Variants in AGK observed in about 807,000 individuals in gnomAD.
AGK encodes the protein acylglycerol kinase, also known as acylglycerol kinase, mitochondrial.
Under a neutral mutation model 66.4 loss-of-function variants are expected in AGK, and 52 were observed. The observed-to-expected ratio is 0.78, with a 90% confidence interval of 0.63 to 0.99. The LOEUF (loss-of-function observed/expected upper bound fraction) is 0.99, where lower values mean the gene tolerates loss of function less well. AGK is among the 50% of genes least tolerant of loss of function. The pLI is 0.00. For missense variants in AGK, 451 were observed against 506.6 expected (o/e 0.89, Z 1.05); for synonymous variants, 182 against 181.1 (o/e 1.00, Z -0.04).
In AGK at chr7:141,610,241, ACAGGCGTGAGC is replaced by A. The variant is rs111712126; in HGVS notation, c.298-951_298-941del. On this transcript the variant is annotated intron_variant, in intron 5 of 15. Coordinates refer to ENST00000649286, the MANE Select transcript of AGK (RefSeq NM_018238.4). ...CTTGGCCTCCCAAAGTGCTGGGATT[ACAGGCGTGAGC>A]CACCGCACCTGGCCCAGATATATAT... Among the ~76,000 whole-genome samples, 9 of 152,276 alleles carry A rather than the reference ACAGGCGTGAGC, an allele frequency of 5.9e-5. 2 individuals are homozygous for A. The highest frequency in any genetic ancestry group is 2.2e-4 in the African/African-American group (9 of 41,554).
Position 141,566,104 on chromosome 7 carries a change from C to T in AGK, c.101+10537C>T, listed in dbSNP as rs144733574. On this transcript the variant is annotated intron_variant, in intron 2 of 15. Transcript: ENST00000649286. ...ATGTCCTTGCACATGTTGTTCTCCG[C>T]GGAACATTCTGACTTTCTCTTCTTC... 1.6e-4 allele frequency among the ~76,000 whole-genome samples: 25 copies of T among 152,322 alleles called. No individual in the cohort carries two copies. The East Asian group carries it at 2.9e-3, about 18-fold the overall frequency.
chr7:141,629,564 A>C (rs1354994613), intron 9 of AGK, among the ~76,000 whole-genome samples: 3 of 152,022 alleles, frequency 2.0e-5, no homozygotes, highest in Non-Finnish European at 2.9e-5. Context: ...TCTCTCCATG[A>C]CTGGTCCTCA....
intron 5 of AGK, among the ~76,000 whole-genome samples, chr7:141,607,069 C>G (rs935199184): frequency 6.6e-6 from 1 of 151,998 alleles, no homozygotes; most frequent in African/African-American, 2.4e-5. Flanking sequence ...TGAAGTACAT[C>G]TTGGTCACTT....
At chr7:141,564,040 A>G (rs906866242) in intron 2 of AGK, among the ~76,000 whole-genome samples, 3 of 152,134 alleles carry the variant, frequency 2.0e-5, no homozygotes, top group Non-Finnish European at 4.4e-5. Flanking sequence ...AACTCACTGC[A>G]GCCTCAAAAT....
In AGK at chr7:141,654,933, C is replaced by CAA. The variant is rs1209723338; in HGVS notation, c.*2010_*2011insAA. The CAA allele has an allele frequency of 1.3e-5, 2 of 152,220 alleles. No homozygotes were observed. Among genetic ancestry groups the CAA allele is most frequent in the African/African-American group, 4.8e-5 (2 of 41,450 alleles). The allele number at this position is 152,220 out of a possible 1,614,324, so 9.4% of individuals were successfully genotyped here. A position where few individuals can be genotyped will look rare whatever the true frequency, so the allele number is the denominator to read the frequency against. On this transcript the variant is annotated 3_prime_UTR_variant, in exon 16 of 16. Coordinates refer to ENST00000649286, the MANE Select transcript of AGK (RefSeq NM_018238.4). Reference sequence around the variant, plus strand: ...GTAAAATTTCTGCTTTTGGCAAAAACATAACAGACGGTTCCAAACATCAGC... The same window carrying CAA: ...GTAAAATTTCTGCTTTTGGCAAAAACAAATAACAGACGGTTCCAAACATCAGC...
rs117779450 is a variant in AGK, at chr7:141,564,251, T to C, written c.101+8684T>C. Among the ~76,000 whole-genome samples the C allele has an allele frequency of 1.2e-4, 19 of 152,354 alleles. No individual in the cohort carries two copies. In the East Asian group the frequency reaches 2.9e-3, roughly 23 times the overall value. On this transcript the variant is annotated intron_variant, in intron 2 of 15. Transcript: ENST00000649286. ...CATTCTTCTTGACCACTGTATTAGT[T>C]TGTTCTCATGCTTCTAATAAAGATA...
intron 13 of AGK, among the ~76,000 whole-genome samples, chr7:141,644,377 G>A (rs554489495): frequency 1.2e-4 from 19 of 152,142 alleles, no homozygotes; most frequent in Non-Finnish European, 2.5e-4. Context: ...ATCACTAGTA[G>A]CAGCAAATTC....
Position 141,555,376 on chromosome 7 carries a change from A to G in AGK, c.-14-77A>G, listed in dbSNP as rs1795185401. 1.1e-6 allele frequency: 1 copy of G among 948,378 alleles called. No homozygotes were observed. The highest frequency in any genetic ancestry group is 1.6e-6 in the Non-Finnish European group (1 of 635,954). The allele number at this position is 948,378 out of a possible 1,614,324, so 58.7% of individuals were successfully genotyped here. ...GAGTGAGAGAGGATAAAAGAATGGAAGACAGAGTAATAGGGACATTACATG... is the reference window on the plus strand; with the variant it reads ...GAGTGAGAGAGGATAAAAGAATGGAGGACAGAGTAATAGGGACATTACATG... On this transcript the variant is annotated intron_variant, in intron 1 of 15. Transcript: ENST00000649286. This position sits in a 1 kb window ranked among gnomAD's most constrained non-coding sequence, Gnocchi z 4.2.
intron 6 of AGK, 144 bp from the exon 7 acceptor site, chr7:141,614,002 G>A (rs1004533311): frequency 2.5e-5 from 15 of 594,782 alleles, no homozygotes; most frequent in East Asian, 1.0e-4. Context: ...AATACTATAT[G>A]TTTTAAGATC....
intron 14 of AGK, chr7:141,650,573 T>G: frequency 1.0e-6 from 1 of 985,440 alleles, no homozygotes; most frequent in South Asian, 4.7e-5. Flanking sequence ...GTTACTGTTG[T>G]TAATAAATGA....
intron 9 of AGK, among the ~76,000 whole-genome samples, chr7:141,625,451 G>A (rs374659962): frequency 4.6e-5 from 7 of 152,182 alleles, no homozygotes; most frequent in African/African-American, 1.4e-4. Flanking sequence ...CTGGGCTCAA[G>A]GGATCTTCCT....
At chr7:141,610,400 A>G (rs1030375053) in intron 5 of AGK, among the ~76,000 whole-genome samples, 13 of 152,158 alleles carry the variant, frequency 8.5e-5, no homozygotes, top group African/African-American at 2.9e-4. Context: ...TATTAGTTGC[A>G]TTATGTCTAT....
intron 2 of AGK, among the ~76,000 whole-genome samples, chr7:141,578,696 C>G (rs551216799): frequency 6.6e-6 from 1 of 151,598 alleles, no homozygotes; most frequent in Non-Finnish European, 1.5e-5. Flanking sequence ...TTAGAAGGAG[C>G]ATTTGTCGTA....
chr7:141,554,510 G>A (rs566216042), intron 1 of AGK, among the ~76,000 whole-genome samples: 3 of 151,948 alleles, frequency 2.0e-5, no homozygotes, highest in African/African-American at 7.2e-5. Flanking sequence ...AAAATTTTGG[G>A]TAAAAAAATA....
intron 8 of AGK, among the ~76,000 whole-genome samples, chr7:141,617,178 T>G (rs949673241): frequency 8.5e-5 from 13 of 152,086 alleles, no homozygotes; most frequent in Non-Finnish European, 1.9e-4. Context: ...TCAGTGTAGA[T>G]TTTTTGAATT....
At chr7:141,612,413 ATTTG>A (rs1018638694) in intron 6 of AGK, among the ~76,000 whole-genome samples, 6 of 152,196 alleles carry the variant, frequency 3.9e-5, no homozygotes, top group African/African-American at 1.2e-4. Context: ...TTACACACAA[ATTTG>A]TTTAACACAA....
intron 8 of AGK, among the ~76,000 whole-genome samples, chr7:141,617,180 T>G (rs918431672): frequency 6.6e-6 from 1 of 152,016 alleles, no homozygotes; most frequent in Non-Finnish European, 1.5e-5. Context: ...AGTGTAGATT[T>G]TTTGAATTGC....
intron 2 of AGK, among the ~76,000 whole-genome samples, chr7:141,573,912 G>T (rs904028467): frequency 6.6e-6 from 1 of 151,928 alleles, no homozygotes; most frequent in African/African-American, 2.4e-5. Flanking sequence ...TGCCATGCTG[G>T]TATGCTGCAC....
chr7:141,597,752 G>A (rs773623990), intron 4 of AGK, among the ~76,000 whole-genome samples: 8 of 151,610 alleles, frequency 5.3e-5, no homozygotes, highest in Non-Finnish European at 8.8e-5. Flanking sequence ...TTAGACACAC[G>A]TGGTAGCATT....
Sources: allele counts gnomAD v4.1 joint callset (sites outside exome capture counted in the v4.1 genomes callset), GRCh38; gene constraint gnomAD v4.1.1; non-coding constraint Gnocchi (gnomAD v3.1); transcripts MANE v1.5; gene names NCBI Gene and HGNC (gene_info 2026-07-23, HGNC 2026-07-21).